The following ARHGAP22 variants were observed in gnomAD, a reference collection of about 807,000 sequenced individuals.
The protein encoded by ARHGAP22 is rho GTPase-activating protein 22.
ARHGAP22 carries 48 observed loss-of-function variants against 59.1 expected under a neutral mutation model. The observed-to-expected ratio is 0.81, with a 90% CI of 0.64 to 1.03. The LOEUF (loss-of-function observed/expected upper bound fraction) is 1.03, where lower values mean the gene tolerates loss of function less well. ARHGAP22 is among the 50% of genes least tolerant of loss of function. The probability of loss-of-function intolerance (pLI) is 0.00; values close to 1 mark genes in which losing one functional copy is unlikely to be tolerated. For missense variants in ARHGAP22, 1,015 were observed against 958.7 expected, an observed-to-expected ratio of 1.06 and a Z score of -0.78; for synonymous variants, 445 against 416.4, an observed-to-expected ratio of 1.07 and a Z score of -0.84.
Position 48,552,090 on chromosome 10 carries a change from C to A in ARHGAP22, c.322+3373G>T, listed in dbSNP as rs576712590. Among the ~76,000 whole-genome samples, 7 of 152,384 alleles carry A rather than the reference C, an allele frequency of 4.6e-5. No individual in the cohort carries two copies. In the South Asian group the frequency reaches 1.4e-3, roughly 32 times the overall value. ...TTTAATTCTACTTTGAAAACATTGT[C>A]ATTTTTTATACCGTTGAATTGCACA... On this transcript the variant is annotated intron_variant, in intron 3 of 9. Coordinates refer to ENST00000249601, the MANE Select transcript of ARHGAP22 (RefSeq NM_021226.4).
At chr10:48,465,433 C>G (rs957619189) in intron 4 of ARHGAP22, among the ~76,000 whole-genome samples, 4 of 152,270 alleles carry the variant, frequency 2.6e-5, no homozygotes, top group Non-Finnish European at 5.9e-5. Flanking sequence ...GGGCACTGTC[C>G]TAAGCCTCTC....
chr10:48,603,881 G>T (rs1440130291), intron 1 of ARHGAP22, among the ~76,000 whole-genome samples: 1 of 152,180 alleles, frequency 6.6e-6, no homozygotes, highest in Non-Finnish European at 1.5e-5. Flanking sequence ...GCAAACACCT[G>T]GTGAGACACA....
intron 1 of ARHGAP22, among the ~76,000 whole-genome samples, chr10:48,599,517 G>C (rs1422875248): frequency 2.6e-5 from 4 of 152,228 alleles, no homozygotes; most frequent in African/African-American, 9.6e-5. Context: ...TGCAGTGTTT[G>C]GAATAGCCAA....
In ARHGAP22 at chr10:48,582,953, C is replaced by T. The variant is rs142982949; in HGVS notation, c.234G>A (p.Gln78=). The change falls in exon 2 of 10, where the codon CAG becomes CAA. Residue 78 remains glutamine, a splice_region_variant and synonymous_variant. Coordinates refer to ENST00000249601, the MANE Select transcript of ARHGAP22 (RefSeq NM_021226.4). ...YYKDKDEIKP[Q]GFISLQGTQV... is the part of the protein sequence containing the mutation. Reference sequence around the variant, plus strand: ...GGCACACCGGACATGCACTTCTCACCTGGGGCTTGATCTCATCTTTGTCCT... The same window carrying T: ...GGCACACCGGACATGCACTTCTCACTTGGGGCTTGATCTCATCTTTGTCCT... 1.2e-6 allele frequency: 2 copies of T among 1,614,214 alleles called. No individual in the cohort carries two copies. The highest frequency in any genetic ancestry group is 8.5e-7 in the Non-Finnish European group (1 of 1,180,022).
At chr10:48,489,862 T>A (rs554681546) in intron 3 of ARHGAP22, among the ~76,000 whole-genome samples, 6 of 151,686 alleles carry the variant, frequency 4.0e-5, no homozygotes, top group Non-Finnish European at 5.9e-5. Flanking sequence ...GCCTCCCGAG[T>A]AGCTGGGACT....
At chr10:48,563,339 G>A (rs376222802) in intron 2 of ARHGAP22, among the ~76,000 whole-genome samples, 131 of 151,874 alleles carry the variant, frequency 8.6e-4, no homozygotes, top group Middle Eastern at 3.4e-3. Flanking sequence ...GACTACAGGC[G>A]CCCACCACCA....
At position 48,450,385 on chromosome 10, in the gene ARHGAP22, G is replaced by C; in HGVS notation, c.1744C>G (p.Pro582Ala). 1 of 1,574,904 alleles carries C rather than the reference G, an allele frequency of 6.3e-7. No homozygotes were observed. The highest frequency in any genetic ancestry group is 8.6e-7 in the Non-Finnish European group (1 of 1,160,980). The change falls in exon 9 of 10, where the codon CCC (proline) becomes GCC (alanine). Residue 582 changes from proline to alanine, a missense_variant. By Grantham distance (27) the Pro-to-Ala change is conservative. Coordinates refer to ENST00000249601, the MANE Select transcript of ARHGAP22 (RefSeq NM_021226.4). Reference protein sequence around the residue: ...EAGAGASNSEPSEPDSPTREH... With the variant: ...EAGAGASNSEASEPDSPTREH... ...CGGGTGGGGCTGTCCGGCTCGCTGGGCTCGCTGTTGCTGGCACCCGCGCCC... is the reference window on the plus strand; with the variant it reads ...CGGGTGGGGCTGTCCGGCTCGCTGGCCTCGCTGTTGCTGGCACCCGCGCCC...
chr10:48,558,567 A>G (rs1028477872), intron 2 of ARHGAP22, among the ~76,000 whole-genome samples: 2 of 151,966 alleles, frequency 1.3e-5, no homozygotes, highest in Non-Finnish European at 2.9e-5. Context: ...GGGTTTCCCT[A>G]TCTTCCCCAT....
intron 1 of ARHGAP22, among the ~76,000 whole-genome samples, chr10:48,603,832 G>A (rs576587134): frequency 6.6e-6 from 1 of 152,308 alleles, no homozygotes; most frequent in Non-Finnish European, 1.5e-5. Context: ...AGATGGGTGT[G>A]TTCCCTGTGA....
intron 3 of ARHGAP22, among the ~76,000 whole-genome samples, chr10:48,493,010 T>C (rs991571381): frequency 7.2e-5 from 11 of 152,228 alleles, no homozygotes; most frequent in African/African-American, 2.7e-4. Flanking sequence ...AAATCTAGTG[T>C]ATATTTAGCA....
intron 2 of ARHGAP22, among the ~76,000 whole-genome samples, chr10:48,556,064 G>A (rs1331743190): frequency 6.6e-6 from 1 of 152,194 alleles, no homozygotes. Flanking sequence ...ACTACAGAGA[G>A]TGCCAGGTGC....
intron 1 of ARHGAP22, among the ~76,000 whole-genome samples, chr10:48,651,994 A>G (rs1467936581): frequency 6.6e-6 from 1 of 152,072 alleles, no homozygotes; most frequent in African/African-American, 2.4e-5. Context: ...GAGTCATTAG[A>G]GCCCAGGACC....
chr10:48,651,946 T>G (rs949181662), intron 1 of ARHGAP22, among the ~76,000 whole-genome samples: 1 of 152,140 alleles, frequency 6.6e-6, no homozygotes, highest in African/African-American at 2.4e-5. Flanking sequence ...TCCTTGGACA[T>G]AGGAGTCCTT....
chr10:48,534,809 A>G (rs1039185418), intron 3 of ARHGAP22, among the ~76,000 whole-genome samples: 3 of 152,146 alleles, frequency 2.0e-5, no homozygotes, highest in African/African-American at 7.2e-5. Context: ...TTACTTTCTT[A>G]CTTCTCACTT....
At chr10:48,436,344 G>A in the ARHGAP22 span, 1 of 152,300 alleles carries the variant, frequency 6.6e-6, no homozygotes, top group Non-Finnish European at 1.5e-5. Flanking sequence ...CCTGACAAGT[G>A]TATGTTAACT....
At chr10:48,599,546 T>C (rs2060262024) in intron 1 of ARHGAP22, among the ~76,000 whole-genome samples, 1 of 152,234 alleles carries the variant, frequency 6.6e-6, no homozygotes, top group Admixed American at 6.5e-5. Context: ...CCCAGAAATA[T>C]GGGAGTTGAA....
intron 3 of ARHGAP22, among the ~76,000 whole-genome samples, chr10:48,487,308 C>T (rs1337359369): frequency 2.6e-5 from 4 of 152,098 alleles, no homozygotes; most frequent in Non-Finnish European, 2.9e-5. Context: ...ATCCACATGC[C>T]TGTCCCTGGA....
intron 2 of ARHGAP22, among the ~76,000 whole-genome samples, chr10:48,567,356 T>C (rs983846570): frequency 6.6e-5 from 10 of 152,136 alleles, no homozygotes; most frequent in African/African-American, 2.4e-4. Flanking sequence ...TGAGATGCCA[T>C]GCCACGTTGG....
chr10:48,508,227 T>A (rs771465946), intron 3 of ARHGAP22, among the ~76,000 whole-genome samples: 4 of 152,190 alleles, frequency 2.6e-5, no homozygotes, highest in Non-Finnish European at 5.9e-5. Context: ...AACTTCCCCA[T>A]CAAAGGTCAC....
Sources: allele counts gnomAD v4.1 joint callset (sites outside exome capture counted in the v4.1 genomes callset), GRCh38; gene constraint gnomAD v4.1.1; transcripts MANE v1.5; gene names NCBI Gene and HGNC (gene_info 2026-07-23, HGNC 2026-07-21).